MBNL3: variants seen among roughly 807,000 people sequenced by gnomAD.
MBNL3 encodes the protein muscleblind-like protein 3.
MBNL3 carries 6 observed loss-of-function variants against 24.5 expected under a neutral mutation model. The observed-to-expected ratio is 0.25, with a 90% CI of 0.13 to 0.48. MBNL3 has a LOEUF of 0.48. Among genes scored for constraint, MBNL3 ranks in the 20% least tolerant of loss-of-function variants. MBNL3 has a pLI of 0.99. For synonymous variants in MBNL3, 100 were observed against 101.7 expected, an observed-to-expected ratio of 0.98 and a Z score of 0.10; for missense variants, 230 against 293.5, an observed-to-expected ratio of 0.78 and a Z score of 1.58.
At chrX:132,483,630 C>G (rs1435212617) in intron 1 of MBNL3, among the ~76,000 whole-genome samples, 1 of 112,117 alleles carries the variant, frequency 8.9e-6, no homozygotes, top group African/African-American at 3.2e-5. Context: ...ATGCCACTCT[C>G]CAACATAACC....
chrX:132,483,016 T>C (rs1947821452), intron 1 of MBNL3, among the ~76,000 whole-genome samples: 2 of 112,655 alleles, frequency 1.8e-5, no homozygotes, highest in Non-Finnish European at 3.7e-5. Context: ...TCACTTCATA[T>C]ATCTGGGTGA....
rs1049454282 is a variant in MBNL3 at position 132,471,281 on chromosome X, T to A, written c.-704+17570A>T. ...ACCCGCTCTGAAACTAAAAACTGGCTATCAATTAATATTACATTAAAATAA... is the reference window on the plus strand; with the variant it reads ...ACCCGCTCTGAAACTAAAAACTGGCAATCAATTAATATTACATTAAAATAA... On this transcript the variant is annotated intron_variant, in intron 1 of 8. Coordinates refer to ENST00000370853, the MANE Select transcript of MBNL3 (RefSeq NM_001386889.1). Among the ~76,000 whole-genome samples, 11 of 112,775 alleles carry A rather than the reference T, an allele frequency of 9.8e-5. 1 individual carries two copies. The highest frequency in any genetic ancestry group is 3.6e-4 in the South Asian group (1 of 2,753).
intron 1 of MBNL3, among the ~76,000 whole-genome samples, chrX:132,482,175 T>C (rs1323826028): frequency 8.9e-6 from 1 of 112,030 alleles, no homozygotes; most frequent in Non-Finnish European, 1.9e-5. Flanking sequence ...CGTTGGGTGA[T>C]GATAATAACA....
chrX:132,489,550 G>A (rs1245550524), upstream of MBNL3, among the ~76,000 whole-genome samples: 1 of 111,685 alleles, frequency 9.0e-6, no homozygotes, highest in Non-Finnish European at 1.9e-5. Flanking sequence ...CCGGACGCCA[G>A]ACGTCCCCTC....
intron 2 of MBNL3, among the ~76,000 whole-genome samples, chrX:132,421,382 A>G (rs1025072888): frequency 1.8e-5 from 2 of 111,406 alleles, no homozygotes; most frequent in African/African-American, 3.3e-5. Flanking sequence ...ATAAATTACT[A>G]TGTGCCTAGG....
intron 3 of MBNL3, among the ~76,000 whole-genome samples, chrX:132,393,859 T>TC (rs1342878362): frequency 3.6e-5 from 4 of 110,994 alleles, no homozygotes; most frequent in African/African-American, 1.3e-4. Context: ...TAGAAACAAG[T>TC]CTAAATACAA....
Position 132,373,928 on chromosome X carries a change from T to A in MBNL3, c.*5738A>T, listed in dbSNP as rs767725220. The A allele has an allele frequency of 8.9e-6, 1 of 111,809 alleles. No individual in the cohort carries two copies. The highest frequency in any genetic ancestry group is 2.8e-4 in the East Asian group (1 of 3,543). 9.2% of individuals were successfully genotyped at this position (111,809 alleles called of 1,213,427 possible). On this transcript the variant is annotated 3_prime_UTR_variant, in exon 9 of 9. Transcript: ENST00000370853. Reference sequence around the variant, plus strand: ...AAAAACAGCTTCCACTGAACAGGTATAATGTAAATGAAGCCAGTTATAAAG... The same window carrying A: ...AAAAACAGCTTCCACTGAACAGGTAAAATGTAAATGAAGCCAGTTATAAAG...
At chrX:132,454,232 CACACACACACACACAT>C (rs1196325575) in intron 1 of MBNL3, among the ~76,000 whole-genome samples, 2 of 109,405 alleles carry the variant, frequency 1.8e-5, no homozygotes, top group Non-Finnish European at 3.9e-5. Context: ...TACCAACACA[CACACACACACACACAT>C]ACACACACAC....
At chrX:132,409,756 C>G (rs1942452087) in intron 2 of MBNL3, among the ~76,000 whole-genome samples, 1 of 110,338 alleles carries the variant, frequency 9.1e-6, no homozygotes, top group African/African-American at 3.3e-5. Flanking sequence ...AATCAACTCT[C>G]TCTCTCTCCC....
intron 5 of MBNL3, among the ~76,000 whole-genome samples, chrX:132,387,423 C>T (rs1373616660): frequency 9.1e-6 from 1 of 109,497 alleles, no homozygotes; most frequent in African/African-American, 3.3e-5. Context: ...AGTAAACAAT[C>T]ATTTATAATT....
At chrX:132,424,614 C>T (rs1944129998) in intron 2 of MBNL3, among the ~76,000 whole-genome samples, 1 of 111,748 alleles carries the variant, frequency 8.9e-6, no homozygotes, top group Admixed American at 9.5e-5. Context: ...CTATATTACC[C>T]TCTTTTCATG....
chrX:132,458,396 T>C (rs2148490968), intron 1 of MBNL3, among the ~76,000 whole-genome samples: 1 of 110,449 alleles, frequency 9.1e-6, no homozygotes, highest in Admixed American at 9.7e-5. Flanking sequence ...CCATCTTCTG[T>C]TGCTATAAAG....
chrX:132,449,084 AT>A (rs1363450568), intron 1 of MBNL3, among the ~76,000 whole-genome samples: 5 of 111,648 alleles, frequency 4.5e-5, no homozygotes, highest in Admixed American at 1.9e-4. Context: ...AATAAGTGCG[AT>A]GTGTTTCTGA....
chrX:132,479,796 C>T (rs368730492), intron 1 of MBNL3, among the ~76,000 whole-genome samples: 1 of 111,197 alleles, frequency 9.0e-6, no homozygotes, highest in Non-Finnish European at 1.9e-5. Context: ...ATTCAGCCCA[C>T]CCCTGCCATC....
chrX:132,444,375 CT>C (rs1396343159), intron 1 of MBNL3, among the ~76,000 whole-genome samples: 1 of 111,093 alleles, frequency 9.0e-6, no homozygotes, highest in Admixed American at 9.6e-5. Context: ...CAATCCTAGC[CT>C]TCAAATTGGG....
chrX:132,459,245 T>C (rs759629439), intron 1 of MBNL3, among the ~76,000 whole-genome samples: 103 of 109,522 alleles, frequency 9.4e-4, no homozygotes, highest in Admixed American at 3.3e-3. Context: ...TTTCTTTCAT[T>C]TGTTTTCCAA....
At chrX:132,466,963 T>C (rs746771695) in intron 1 of MBNL3, among the ~76,000 whole-genome samples, 73 of 111,364 alleles carry the variant, frequency 6.6e-4, no homozygotes, top group African/African-American at 2.1e-3. Flanking sequence ...GGAGTGAGCA[T>C]TGGAAAGGGT....
chrX:132,396,639 C>T (rs190332732), intron 3 of MBNL3, among the ~76,000 whole-genome samples: 17 of 17,096 alleles, frequency 9.9e-4, no homozygotes, highest in African/African-American at 3.3e-3. Flanking sequence ...TATATATTCA[C>T]ATATATATAT....
intron 1 of MBNL3, among the ~76,000 whole-genome samples, chrX:132,453,459 G>A (rs925322233): frequency 2.7e-5 from 3 of 111,386 alleles, no homozygotes; most frequent in Admixed American, 9.5e-5. Flanking sequence ...TTTCAAGACC[G>A]GCCAACATAA....
Sources: allele counts gnomAD v4.1 joint callset (sites outside exome capture counted in the v4.1 genomes callset), GRCh38; gene constraint gnomAD v4.1.1; transcripts MANE v1.5; gene names NCBI Gene and HGNC (gene_info 2026-07-23, HGNC 2026-07-21).